ATP6V0E1: variants seen among roughly 807,000 people sequenced by gnomAD.
The protein encoded by ATP6V0E1 is V-type proton ATPase subunit e 1.
A neutral mutation model predicts 11.6 loss-of-function variants in ATP6V0E1; 4 were observed. The ratio of observed to expected loss-of-function variants is 0.35; its 90% confidence interval spans 0.17 to 0.79. The LOEUF is 0.79. Among genes scored for constraint, ATP6V0E1 ranks in the 30% least tolerant of loss-of-function variants. The pLI, the probability that ATP6V0E1 is intolerant of heterozygous loss-of-function variation, is 0.54. For missense variants in ATP6V0E1, 105 were observed against 100.0 expected (o/e 1.05, Z -0.21); for synonymous variants, 36 against 34.8 (o/e 1.04, Z -0.13).
chr5:173,013,351 G>A (rs1403713090), intron 2 of ATP6V0E1, among the ~76,000 whole-genome samples: 2 of 152,142 alleles, frequency 1.3e-5, no homozygotes, highest in African/African-American at 4.8e-5. Flanking sequence ...CGAGGCGGGT[G>A]AATCACGAGG....
intron 3 of ATP6V0E1, among the ~76,000 whole-genome samples, chr5:173,031,304 G>A (rs1437859793): frequency 1.3e-5 from 2 of 150,802 alleles, no homozygotes; most frequent in African/African-American, 2.4e-5. Context: ...GGCTGTTCTC[G>A]AACTCCTGAC....
chr5:172,994,919 G>A (rs968377674), intron 2 of ATP6V0E1, 97 bp downstream of exon 2: 9 of 942,538 alleles, frequency 9.5e-6, no homozygotes, highest in Non-Finnish European at 1.4e-5. Flanking sequence ...GTAATATCTA[G>A]AAATAGTGTC....
chr5:173,015,239 T>A (rs1421978953), intron 2 of ATP6V0E1, among the ~76,000 whole-genome samples: 1 of 152,246 alleles, frequency 6.6e-6, no homozygotes, highest in Non-Finnish European at 1.5e-5. Flanking sequence ...TTAGACTCTC[T>A]CTGCCTGTTT....
intron 2 of ATP6V0E1, among the ~76,000 whole-genome samples, chr5:173,019,835 T>C (rs1222185907): frequency 6.6e-6 from 1 of 152,172 alleles, no homozygotes; most frequent in African/African-American, 2.4e-5. Flanking sequence ...AGGTTGTGGG[T>C]CTTAACATTT....
rs537929355 is a variant in ATP6V0E1, at chr5:173,005,183, A to T, written c.152+10361A>T. Among the ~76,000 whole-genome samples the T allele has an allele frequency of 2.9e-3, 442 of 150,634 alleles. 5 individuals carry two copies. The highest frequency in any genetic ancestry group is 9.8e-3 in the African/African-American group (404 of 41,204). Reference sequence around the variant, plus strand: ...ACGAAAAAAAAAAAAACCTGTTGGGATTTTAATTGGGATTGTGTTGAATAT... The same window carrying T: ...ACGAAAAAAAAAAAAACCTGTTGGGTTTTTAATTGGGATTGTGTTGAATAT... On this transcript the variant is annotated intron_variant, in intron 2 of 3. Transcript: ENST00000519374.
At chr5:172,997,983 C>T (rs1353479923) in intron 2 of ATP6V0E1, among the ~76,000 whole-genome samples, 1 of 151,998 alleles carries the variant, frequency 6.6e-6, no homozygotes, top group Non-Finnish European at 1.5e-5. Context: ...GTGGCACATG[C>T]CTGTCGTCCC....
At chr5:173,021,807 G>A (rs994517028) in intron 3 of ATP6V0E1, among the ~76,000 whole-genome samples, 3 of 152,208 alleles carry the variant, frequency 2.0e-5, no homozygotes, top group African/African-American at 7.2e-5. Context: ...CCAGCACTTT[G>A]GGAGGCTGAG....
chr5:173,022,864 TTTTA>T (rs1355137467), intron 3 of ATP6V0E1, among the ~76,000 whole-genome samples: 2 of 151,920 alleles, frequency 1.3e-5, no homozygotes, highest in East Asian at 3.9e-4. Flanking sequence ...ATTTTTAAAA[TTTTA>T]TTTATTTTTT....
At chr5:173,030,792 A>G (rs1756637460) in intron 3 of ATP6V0E1, among the ~76,000 whole-genome samples, 1 of 151,726 alleles carries the variant, frequency 6.6e-6, no homozygotes, top group Admixed American at 6.6e-5. Flanking sequence ...TCTGTCACCC[A>G]GACTGGAGTG....
chr5:172,986,245 C>T (rs867912780), intron 1 of ATP6V0E1, among the ~76,000 whole-genome samples: 1 of 152,130 alleles, frequency 6.6e-6, no homozygotes, highest in Admixed American at 6.6e-5. Flanking sequence ...ATTTTTCTTT[C>T]TTCAAAAATA....
At chr5:172,989,662 G>A (rs554978041) in intron 1 of ATP6V0E1, among the ~76,000 whole-genome samples, 1 of 152,126 alleles carries the variant, frequency 6.6e-6, no homozygotes, top group East Asian at 1.9e-4. Context: ...GAGTAGCTGG[G>A]ATTACAGGCA....
At chr5:173,019,438 C>T (rs969051704) in intron 2 of ATP6V0E1, among the ~76,000 whole-genome samples, 2 of 151,968 alleles carry the variant, frequency 1.3e-5, no homozygotes, top group African/African-American at 2.4e-5. Flanking sequence ...GCCTGTAGTC[C>T]CAGCTACTCG....
chr5:173,021,170 G>T (rs1436400093), intron 3 of ATP6V0E1, among the ~76,000 whole-genome samples: 1 of 152,080 alleles, frequency 6.6e-6, no homozygotes, highest in Non-Finnish European at 1.5e-5. Flanking sequence ...GGGAGCAAGA[G>T]AGAGAGAAGG....
At chr5:172,994,604 T>G (rs917150523) in intron 1 of ATP6V0E1, among the ~76,000 whole-genome samples, 171 bp from the exon 2 acceptor site, 1 of 152,158 alleles carries the variant, frequency 6.6e-6, no homozygotes, top group Non-Finnish European at 1.5e-5. Context: ...TTTTCCCAGG[T>G]GTACCCTGGG....
At chr5:173,010,541 C>T (rs777738080) in intron 2 of ATP6V0E1, among the ~76,000 whole-genome samples, 1 of 152,208 alleles carries the variant, frequency 6.6e-6, no homozygotes, top group East Asian at 1.9e-4. Context: ...AATTAAAATC[C>T]GACTCTGTCT....
At chr5:173,022,880 T>G (rs1020808587) in intron 3 of ATP6V0E1, among the ~76,000 whole-genome samples, 1 of 152,116 alleles carries the variant, frequency 6.6e-6, no homozygotes, top group Non-Finnish European at 1.5e-5. Context: ...TTATTTTTTA[T>G]AGAGAGAGAG....
intron 2 of ATP6V0E1, among the ~76,000 whole-genome samples, chr5:173,005,501 A>G (rs1257197660): frequency 6.6e-6 from 1 of 152,242 alleles, no homozygotes; most frequent in Non-Finnish European, 1.5e-5. Flanking sequence ...GGCATGAGCC[A>G]CTGCACCTAG....
intron 1 of ATP6V0E1, among the ~76,000 whole-genome samples, chr5:172,985,438 G>T (rs1166272086): frequency 6.6e-6 from 1 of 151,938 alleles, no homozygotes; most frequent in Non-Finnish European, 1.5e-5. Context: ...CCAGTTATAT[G>T]GGGTCATCTC....
intron 3 of ATP6V0E1, among the ~76,000 whole-genome samples, chr5:173,021,494 T>TA (rs1756484464): frequency 6.6e-6 from 1 of 152,094 alleles, no homozygotes; most frequent in Non-Finnish European, 1.5e-5. Flanking sequence ...GAGAACAGTA[T>TA]GGGGGAACTG....
Sources: gnomAD v4.1 joint callset for allele counts (sites outside exome capture counted in the v4.1 genomes callset) on GRCh38, gnomAD v4.1.1 for gene constraint, MANE v1.5 for transcripts, NCBI Gene and HGNC (gene_info 2026-07-23, HGNC 2026-07-21) for gene names.